The following ZNF804B variants were observed in gnomAD, a reference collection of about 807,000 sequenced individuals.
The protein encoded by ZNF804B is zinc finger 804B.
A neutral mutation model predicts 101.4 loss-of-function variants in ZNF804B; 80 were observed. That is an observed-to-expected ratio of 0.79 (90% CI 0.66 to 0.95). The LOEUF (loss-of-function observed/expected upper bound fraction) is 0.95, where lower values mean the gene tolerates loss of function less well. Among genes scored for constraint, ZNF804B ranks in the 40% least tolerant of loss-of-function variants. The probability of loss-of-function intolerance (pLI) is 0.00; values close to 1 mark genes in which losing one functional copy is unlikely to be tolerated. For missense variants in ZNF804B, 1,673 were observed against 1,561.9 expected (o/e 1.07, Z -1.20); for synonymous variants, 622 against 558.8 (o/e 1.11, Z -1.59).
At chr7:89,245,097 A>G (rs1011292432) in intron 2 of ZNF804B, among the ~76,000 whole-genome samples, 6 of 152,204 alleles carry the variant, frequency 3.9e-5, no homozygotes, top group African/African-American at 1.4e-4. Flanking sequence ...AGAGATTAAT[A>G]CAAACATCAA....
intron 1 of ZNF804B, among the ~76,000 whole-genome samples, chr7:89,053,757 A>T (rs559524264): frequency 2.0e-5 from 3 of 150,020 alleles, no homozygotes; most frequent in Middle Eastern, 3.4e-3. Flanking sequence ...AATATAATTG[A>T]TTGTATACTC....
intron 2 of ZNF804B, among the ~76,000 whole-genome samples, chr7:89,278,876 A>G (rs1036399092): frequency 3.9e-5 from 6 of 152,030 alleles, no homozygotes; most frequent in Admixed American, 3.3e-4. Context: ...AGTATTTTCC[A>G]ATTCTGTGAA....
intron 1 of ZNF804B, among the ~76,000 whole-genome samples, chr7:88,768,999 C>T (rs1790024670): frequency 6.6e-6 from 1 of 152,126 alleles, no homozygotes; most frequent in Admixed American, 6.5e-5. Context: ...GAGCCTAGTG[C>T]TTGACATTCA....
intron 1 of ZNF804B, among the ~76,000 whole-genome samples, chr7:88,821,904 A>G (rs1162796191): frequency 1.3e-5 from 2 of 152,168 alleles, no homozygotes; most frequent in East Asian, 3.8e-4. Flanking sequence ...TACTTCATAT[A>G]GAAGCAAAAA....
At chr7:88,949,113 A>T (rs949593138) in intron 1 of ZNF804B, among the ~76,000 whole-genome samples, 14 of 151,872 alleles carry the variant, frequency 9.2e-5, no homozygotes, top group Non-Finnish European at 1.6e-4. Flanking sequence ...TAATCTTTAC[A>T]ACTACTTTTC....
chr7:89,159,725 A>G (rs1240911534), intron 1 of ZNF804B, among the ~76,000 whole-genome samples: 1 of 152,194 alleles, frequency 6.6e-6, no homozygotes, highest in Non-Finnish European at 1.5e-5. Context: ...AATTTGAAAT[A>G]AGATACACAG....
intron 1 of ZNF804B, among the ~76,000 whole-genome samples, chr7:88,946,283 GTT>G (rs201266177): frequency 6.8e-5 from 10 of 147,500 alleles, no homozygotes; most frequent in African/African-American, 2.2e-4. Context: ...TTTATTGAGA[GTT>G]TTTTTTTTTA....
chr7:89,035,993 T>G (rs1021243175), intron 1 of ZNF804B, among the ~76,000 whole-genome samples: 2 of 137,490 alleles, frequency 1.5e-5, no homozygotes, highest in Admixed American at 1.6e-4. Context: ...ATAGTATATA[T>G]TATATGATAT....
intron 1 of ZNF804B, among the ~76,000 whole-genome samples, chr7:88,850,925 C>T (rs1464453866): frequency 1.3e-5 from 2 of 151,976 alleles, no homozygotes; most frequent in East Asian, 3.9e-4. Context: ...AAAGGTTGAA[C>T]ATGCTAAACA....
chr7:89,006,814 A>T (rs1368996160), intron 1 of ZNF804B, among the ~76,000 whole-genome samples: 1 of 152,134 alleles, frequency 6.6e-6, no homozygotes, highest in East Asian at 1.9e-4. Flanking sequence ...AATGTAGATT[A>T]ATTTTTTTTT....
At chr7:88,865,279 C>G (rs910390656) in intron 1 of ZNF804B, among the ~76,000 whole-genome samples, 72 of 150,756 alleles carry the variant, frequency 4.8e-4, no homozygotes, top group African/African-American at 1.7e-3. Flanking sequence ...CACCCATTAT[C>G]TCAGCACTTT....
chr7:89,103,831 A>G (rs1404763868), intron 1 of ZNF804B, among the ~76,000 whole-genome samples: 2 of 151,944 alleles, frequency 1.3e-5, no homozygotes, highest in Non-Finnish European at 2.9e-5. Flanking sequence ...AATGCTTTCA[A>G]CTGTTCCTCA....
At chr7:88,782,428 T>C (rs993993593) in intron 1 of ZNF804B, among the ~76,000 whole-genome samples, 1 of 152,146 alleles carries the variant, frequency 6.6e-6, no homozygotes, top group African/African-American at 2.4e-5. Flanking sequence ...TTAATTGGTT[T>C]CTTTATTTCA....
intron 1 of ZNF804B, among the ~76,000 whole-genome samples, chr7:89,048,608 G>T (rs1324714045): frequency 6.6e-6 from 1 of 151,806 alleles, no homozygotes; most frequent in Non-Finnish European, 1.5e-5. Flanking sequence ...CCTTAATTCA[G>T]TTACCTTAAT....
At chr7:88,773,021 C>A (rs1366220595) in intron 1 of ZNF804B, among the ~76,000 whole-genome samples, 4 of 152,170 alleles carry the variant, frequency 2.6e-5, no homozygotes, top group Non-Finnish European at 2.9e-5. Flanking sequence ...GAACAGGAAG[C>A]AGCTGCTGTT....
chr7:89,201,036 ACT>A (rs1788624870), intron 1 of ZNF804B, among the ~76,000 whole-genome samples: 1 of 151,900 alleles, frequency 6.6e-6, no homozygotes, highest in Non-Finnish European at 1.5e-5. Flanking sequence ...TTTTGCTGAC[ACT>A]CTTAGGGAAA....
intron 1 of ZNF804B, among the ~76,000 whole-genome samples, chr7:89,114,717 A>G (rs1215357489): frequency 6.6e-6 from 1 of 152,200 alleles, no homozygotes; most frequent in South Asian, 2.1e-4. Flanking sequence ...TTTTAACTGC[A>G]TAATCATTCT....
intron 1 of ZNF804B, among the ~76,000 whole-genome samples, chr7:89,211,886 C>T (rs1028955636): frequency 6.6e-6 from 1 of 152,048 alleles, no homozygotes; most frequent in Non-Finnish European, 1.5e-5. Flanking sequence ...TGAAGAATGT[C>T]CATGGTAGTT....
intron 1 of ZNF804B, among the ~76,000 whole-genome samples, chr7:88,944,365 A>G (rs1299190684): frequency 2.0e-5 from 3 of 151,810 alleles, no homozygotes; most frequent in African/African-American, 7.2e-5. Flanking sequence ...TACTGAATAT[A>G]ATTTATTTGT....
Sources: gnomAD v4.1 joint callset for allele counts (sites outside exome capture counted in the v4.1 genomes callset) on GRCh38, gnomAD v4.1.1 for gene constraint, MANE v1.5 for transcripts, NCBI Gene and HGNC (gene_info 2026-07-23, HGNC 2026-07-21) for gene names.